Variants in ANKRD44 observed in about 807,000 individuals in gnomAD.
ANKRD44 encodes the protein ankyrin repeat domain 44.
In ANKRD44, 35 loss-of-function variants were observed where a neutral mutation model predicts 116.0. The ratio of observed to expected loss-of-function variants is 0.30; its 90% CI spans 0.23 to 0.40. The LOEUF is 0.40. Among genes scored for constraint, ANKRD44 ranks in the 10% least tolerant of loss-of-function variants. ANKRD44 has a pLI of 1.00. For missense variants in ANKRD44, 1,014 were observed against 1,242.6 expected, an observed-to-expected ratio of 0.82 and a Z score of 2.77; for synonymous variants, 435 against 461.8, an observed-to-expected ratio of 0.94 and a Z score of 0.74.
rs534624992 is a variant in ANKRD44, at chr2:196,987,175, C to T, written c.*2416G>A. ...AATGCTTTTCCCCTATAATACTGAC[C>T]TATGGTTTATAGTTTCGTAAGACGA... is the stretch of plus-strand genomic sequence containing the variant. On this transcript the variant is annotated 3_prime_UTR_variant, in exon 28 of 28. Coordinates refer to ENST00000282272, the MANE Select transcript of ANKRD44 (RefSeq NM_001195144.2). The T allele has an allele frequency of 3.8e-4, 375 of 985,262 alleles. No individual in the cohort carries two copies. The highest frequency in any genetic ancestry group is 4.4e-4 in the Non-Finnish European group (367 of 829,898). 61.0% of individuals were successfully genotyped at this position (985,262 alleles called of 1,614,324 possible).
chr2:197,217,589 A>G (rs1274683530), intron 1 of ANKRD44, among the ~76,000 whole-genome samples: 1 of 152,212 alleles, frequency 6.6e-6, no homozygotes, highest in Non-Finnish European at 1.5e-5. Context: ...CAACTGAGAA[A>G]TTAAACAACA....
rs562421336 is a variant in ANKRD44 at position 197,106,555 on chromosome 2, C to T, written c.985+4211G>A. Among the ~76,000 whole-genome samples, 7 of 152,068 alleles carry T rather than the reference C, an allele frequency of 4.6e-5. No individual in the cohort carries two copies. In the East Asian group the frequency reaches 1.2e-3, roughly 25 times the overall value. ...CTGTAATCCCAGCACTTTGGGAGGC[C>T]GAGGCAGGCAGATCACGAGGTCAGG... is the stretch of plus-strand genomic sequence containing the variant. On this transcript the variant is annotated intron_variant, in intron 9 of 27. Coordinates refer to ENST00000282272, the MANE Select transcript of ANKRD44 (RefSeq NM_001195144.2).
chr2:197,040,984 A>C (rs1409425285), intron 16 of ANKRD44, among the ~76,000 whole-genome samples: 2 of 152,140 alleles, frequency 1.3e-5, no homozygotes, highest in African/African-American at 4.8e-5. Flanking sequence ...TTGAAAAGTA[A>C]ACTTTGACAC....
intron 16 of ANKRD44, among the ~76,000 whole-genome samples, chr2:197,036,560 A>G (rs1031316127): frequency 3.9e-5 from 6 of 152,304 alleles, no homozygotes; most frequent in African/African-American, 1.2e-4. Context: ...TAAAGGCAAT[A>G]ACACAAATTA....
chr2:196,987,518 T>C lies in ANKRD44; in HGVS notation c.*2073A>G. 5 of 985,368 alleles carry C rather than the reference T, an allele frequency of 5.1e-6. No homozygotes were observed. The highest frequency in any genetic ancestry group is 6.0e-6 in the Non-Finnish European group (5 of 829,874). The allele number at this position is 985,368 out of a possible 1,614,324, so 61.0% of individuals were successfully genotyped here. On this transcript the variant is annotated 3_prime_UTR_variant, in exon 28 of 28. Transcript: ENST00000282272. ...CCAAGTTGCTCAACAGTACAAAGAA[T>C]AACTAGTGCAGCAAATCCATTTGAT... is the stretch of plus-strand genomic sequence containing the variant.
intron 16 of ANKRD44, among the ~76,000 whole-genome samples, chr2:197,068,961 G>T (rs562649187): frequency 1.3e-5 from 2 of 152,258 alleles, no homozygotes; most frequent in East Asian, 3.9e-4. Flanking sequence ...TATACCCAAA[G>T]GATTATAAAT....
chr2:197,044,826 T>C (rs2076973011), intron 16 of ANKRD44, among the ~76,000 whole-genome samples: 1 of 151,418 alleles, frequency 6.6e-6, no homozygotes, highest in Non-Finnish European at 1.5e-5. Context: ...TCCTAGCAAT[T>C]CCATAAAAGA....
At chr2:196,998,874 C>T (rs770471187) in intron 24 of ANKRD44, 33 bp downstream of exon 24, 35 of 1,607,264 alleles carry the variant, frequency 2.2e-5, no homozygotes, top group Non-Finnish European at 2.9e-5. Flanking sequence ...TTTGCATGGG[C>T]ATAAGGGCAA....
At chr2:196,992,132 G>A (rs997482922) in intron 27 of ANKRD44, among the ~76,000 whole-genome samples, 3 of 152,166 alleles carry the variant, frequency 2.0e-5, no homozygotes, top group African/African-American at 7.2e-5. Flanking sequence ...CCTGAAAAGG[G>A]TTAGCTGCCT....
At chr2:197,275,693 C>A (rs1381577928) in intron 1 of ANKRD44, among the ~76,000 whole-genome samples, 1 of 151,810 alleles carries the variant, frequency 6.6e-6, no homozygotes, top group African/African-American at 2.4e-5. Context: ...GGCTTTGGAA[C>A]CGGGTTGGGG....
At chr2:197,029,761 C>T (rs925658353) in intron 16 of ANKRD44, 25 of 287,954 alleles carry the variant, frequency 8.7e-5, no homozygotes, top group South Asian at 7.6e-4. Flanking sequence ...TTTGATATCA[C>T]TCCAGGTTTT....
At chr2:196,981,395 C>T (rs1447456451) in intron 21 of ANKRD44, among the ~76,000 whole-genome samples, 1 of 152,184 alleles carries the variant, frequency 6.6e-6, no homozygotes, top group Non-Finnish European at 1.5e-5. Context: ...AAAAATCCAC[C>T]AGGATGACTG....
chr2:197,130,949 A>G (rs2079080882), intron 4 of ANKRD44, among the ~76,000 whole-genome samples: 1 of 152,180 alleles, frequency 6.6e-6, no homozygotes, highest in Non-Finnish European at 1.5e-5. Context: ...CAGGCTCCAT[A>G]AGGGTGCTAA....
chr2:197,044,130 C>A (rs2076959673), intron 16 of ANKRD44, among the ~76,000 whole-genome samples: 1 of 152,128 alleles, frequency 6.6e-6, no homozygotes, highest in South Asian at 2.1e-4. Flanking sequence ...GAAGTGAACA[C>A]AACTGCATAA....
intron 17 of ANKRD44, chr2:197,015,924 G>C (rs1339537020): frequency 1.9e-6 from 1 of 530,552 alleles, no homozygotes; most frequent in East Asian, 4.8e-5. Flanking sequence ...CCATGAAAGG[G>C]GGTAGTTTTG....
chr2:197,310,454 A>T (rs1481017280), intron 1 of ANKRD44, 124 bp downstream of exon 1: 2 of 619,608 alleles, frequency 3.2e-6, no homozygotes, highest in Non-Finnish European at 4.0e-6. Context: ...GGCCGCACAC[A>T]GTCCTCCCCT....
In ANKRD44 at chr2:197,158,439, C is replaced by G. The variant is rs547924860; in HGVS notation, c.112-11334G>C. Among the ~76,000 whole-genome samples, 102 of 152,314 alleles carry G rather than the reference C, an allele frequency of 6.7e-4. 1 individual carries two copies. Among genetic ancestry groups the G allele is most frequent in the Admixed American group, 2.4e-3 (36 of 15,304 alleles). On this transcript the variant is annotated intron_variant, in intron 2 of 27. Coordinates refer to ENST00000282272, the MANE Select transcript of ANKRD44 (RefSeq NM_001195144.2). ...TACGGCCCCACCACAGGCTCACTGT[C>G]TCTTTTAATTAATTCATTAACCAAT...
chr2:197,007,710 A>C, intron 20 of ANKRD44, 96 bp downstream of exon 20: 3 of 813,498 alleles, frequency 3.7e-6, no homozygotes, highest in Non-Finnish European at 6.1e-6. Context: ...TTTGCTAAAA[A>C]TCCAATCAAA....
intron 16 of ANKRD44, among the ~76,000 whole-genome samples, chr2:197,046,695 G>A (rs1458750357): frequency 1.3e-5 from 2 of 150,810 alleles, no homozygotes; most frequent in African/African-American, 4.9e-5. Context: ...TGACCAGCTG[G>A]AGTAGTATAC....
Sources: allele counts gnomAD v4.1 joint callset (sites outside exome capture counted in the v4.1 genomes callset), GRCh38; gene constraint gnomAD v4.1.1; transcripts MANE v1.5; gene names NCBI Gene and HGNC (gene_info 2026-07-23, HGNC 2026-07-21).